The following MTHFD1 variants were observed in gnomAD, a reference collection of about 807,000 sequenced individuals.
MTHFD1 encodes the protein C-1-tetrahydrofolate synthase, cytoplasmic.
MTHFD1 carries 44 observed loss-of-function variants against 110.3 expected under a neutral mutation model. The ratio of observed to expected loss-of-function variants is 0.40; its 90% CI spans 0.31 to 0.51. The LOEUF (loss-of-function observed/expected upper bound fraction) is 0.51. Among genes scored for constraint, MTHFD1 ranks in the 20% least tolerant of loss-of-function variants. The pLI, the probability that MTHFD1 is intolerant of heterozygous loss-of-function variation, is 0.60. For missense variants in MTHFD1, 909 were observed against 1,173.1 expected (o/e 0.77, Z 3.29); for synonymous variants, 402 against 428.8 (o/e 0.94, Z 0.77).
chr14:64,439,294 T>C (rs1240153976), intron 17 of MTHFD1, 122 bp downstream of exon 17: 6 of 786,164 alleles, frequency 7.6e-6, no homozygotes, highest in Non-Finnish European at 1.3e-5. Context: ...TTCTCCCTTT[T>C]AAAATGGAAG....
intron 24 of MTHFD1, among the ~76,000 whole-genome samples, chr14:64,452,209 C>A (rs946674635): frequency 2.0e-5 from 3 of 152,200 alleles, no homozygotes; most frequent in Non-Finnish European, 4.4e-5. Context: ...GCAGGAGAAT[C>A]TCTTGAACCC....
chr14:64,437,481 C>T (rs1025368643), intron 16 of MTHFD1, among the ~76,000 whole-genome samples: 3 of 152,196 alleles, frequency 2.0e-5, no homozygotes, highest in Admixed American at 2.0e-4. Context: ...TAGTTTTTCT[C>T]TTCCACAACA....
intron 13 of MTHFD1, among the ~76,000 whole-genome samples, chr14:64,430,998 G>C (rs1049096072): frequency 2.0e-5 from 3 of 152,160 alleles, no homozygotes; most frequent in Admixed American, 1.3e-4. Flanking sequence ...TGGAAAAACT[G>C]CAAGTTCTGT....
At chr14:64,444,846 C>T (rs1458911899) in intron 22 of MTHFD1, 112 bp downstream of exon 22, 2 of 1,199,414 alleles carry the variant, frequency 1.7e-6, no homozygotes, top group African/African-American at 1.5e-5. Flanking sequence ...ACCCAGGGTG[C>T]AGGGTGCCAA....
At chr14:64,446,627 C>T (rs911409493) in intron 22 of MTHFD1, among the ~76,000 whole-genome samples, 2 of 150,734 alleles carry the variant, frequency 1.3e-5, no homozygotes, top group African/African-American at 2.4e-5. Flanking sequence ...CTGCAAGCTC[C>T]GCCTCCTGGG....
intron 12 of MTHFD1, 44 bp from the exon 13 acceptor site, chr14:64,430,140 A>AGAAGCTTGCTTAGCAG (rs752678754): frequency 6.4e-7 from 1 of 1,569,322 alleles, no homozygotes; most frequent in Admixed American, 1.7e-5. Context: ...AAGTCATTGG[A>AGAAGCTTGCTTAGCAG]GAAGCATGCT....
chr14:64,396,120 G>A (rs1322256369), intron 1 of MTHFD1, among the ~76,000 whole-genome samples: 1 of 152,024 alleles, frequency 6.6e-6, no homozygotes, highest in African/African-American at 2.4e-5. Context: ...AAATGTCTGG[G>A]TTAAATTATA....
At chr14:64,455,742 C>T (rs1444587709) in intron 26 of MTHFD1, among the ~76,000 whole-genome samples, 6 of 152,224 alleles carry the variant, frequency 3.9e-5, no homozygotes, top group Non-Finnish European at 7.3e-5. Flanking sequence ...GAGTTGAAAA[C>T]GTAGGACATT....
At chr14:64,424,688 G>A (rs2140963009) in intron 8 of MTHFD1, 116 bp from the exon 9 acceptor site, 1 of 1,091,718 alleles carries the variant, frequency 9.2e-7, no homozygotes, top group East Asian at 2.5e-5. Context: ...AAGTTAAGTA[G>A]GCACTGGAGC....
chr14:64,398,689 G>GT (rs1375682427), intron 1 of MTHFD1, among the ~76,000 whole-genome samples: 2 of 152,186 alleles, frequency 1.3e-5, no homozygotes, highest in African/African-American at 2.4e-5. Flanking sequence ...GTTTATGTCA[G>GT]TTTTTTGTGA....
At chr14:64,425,939 G>A (rs2078115110) in intron 10 of MTHFD1, 80 bp from the exon 11 acceptor site, 3 of 1,588,754 alleles carry the variant, frequency 1.9e-6, no homozygotes, top group Non-Finnish European at 2.6e-6. Context: ...GGTTGGGGTT[G>A]GGTTGGGGGC....
intron 18 of MTHFD1, 26 bp downstream of exon 18, chr14:64,440,292 G>T (rs770719455): frequency 1.2e-6 from 2 of 1,614,104 alleles, no homozygotes; most frequent in Admixed American, 1.7e-5. Context: ...CGCCAGGCTT[G>T]GCGACATATC....
chr14:64,448,178 C>G, intron 22 of MTHFD1, 39 bp from the exon 23 acceptor site: 14 of 1,451,514 alleles, frequency 9.6e-6, no homozygotes, highest in African/African-American at 1.4e-5. Context: ...TGGTTTTCAA[C>G]TCTCTGATCT....
chr14:64,452,499 C>G (rs2078389666), intron 24 of MTHFD1, among the ~76,000 whole-genome samples: 1 of 152,218 alleles, frequency 6.6e-6, no homozygotes, highest in Non-Finnish European at 1.5e-5. Flanking sequence ...GAAGCCAGCT[C>G]CACTTCTCTG....
chr14:64,400,506 G>A (rs905452160), intron 1 of MTHFD1, among the ~76,000 whole-genome samples: 1 of 152,040 alleles, frequency 6.6e-6, no homozygotes. Flanking sequence ...TTGGGCAATG[G>A]TGAAACCCAT....
rs755871554 is a variant in MTHFD1, at chr14:64,430,164, ACCCTTGACCTGTC to A, written c.1265-15_1265-3del. 1 of 1,613,122 alleles carries A rather than the reference ACCCTTGACCTGTC, an allele frequency of 6.2e-7. No homozygotes were observed. The highest frequency in any genetic ancestry group is 1.1e-5 in the South Asian group (1 of 91,058). On this transcript the variant is annotated splice_region_variant and splice_polypyrimidine_tract_variant and intron_variant, in intron 12 of 27. Transcript: ENST00000652337. ...GAGAAGCATGCTTAACTGAGCTTCC[ACCCTTGACCTGTC>A]CCCTAGGTGGCGCTGCAGGAGGCGG...
intron 13 of MTHFD1, 139 bp downstream of exon 13, chr14:64,430,369 G>A (rs2078148623): frequency 2.5e-6 from 2 of 786,942 alleles, no homozygotes. Context: ...CGCAATCTCG[G>A]CTCACTGCAA....
At chr14:64,455,553 AATCTAGGTT>A (rs2078457863) in intron 26 of MTHFD1, among the ~76,000 whole-genome samples, 1 of 152,182 alleles carries the variant, frequency 6.6e-6, no homozygotes, top group Non-Finnish European at 1.5e-5. Context: ...TTGGATCCTG[AATCTAGGTT>A]ATCCCCTAAA....
chr14:64,451,131 T>C (rs982537484), intron 24 of MTHFD1, among the ~76,000 whole-genome samples: 3 of 151,910 alleles, frequency 2.0e-5, no homozygotes, highest in African/African-American at 7.3e-5. Flanking sequence ...ATCACTGCAC[T>C]CTAGCCTGGG....
Sources: gnomAD v4.1 joint callset for allele counts (sites outside exome capture counted in the v4.1 genomes callset) on GRCh38, gnomAD v4.1.1 for gene constraint, MANE v1.5 for transcripts, NCBI Gene and HGNC (gene_info 2026-07-23, HGNC 2026-07-21) for gene names.